Variants in LAMA4 observed in about 807,000 individuals in gnomAD.
LAMA4 encodes the protein laminin subunit alpha-4.
In LAMA4, 127 loss-of-function variants were observed where a neutral mutation model predicts 207.1. The observed-to-expected ratio is 0.61, with a 90% CI of 0.53 to 0.71. The LOEUF (loss-of-function observed/expected upper bound fraction) is 0.71, where lower values mean the gene tolerates loss of function less well. Ranked by LOEUF, LAMA4 falls within the 30% of genes least tolerant of loss-of-function variation. The pLI is 0.00. For synonymous variants in LAMA4, 761 were observed against 816.0 expected (o/e 0.93, Z 1.15); for missense variants, 2,093 against 2,246.5 (o/e 0.93, Z 1.38).
intron 38 of LAMA4, among the ~76,000 whole-genome samples, chr6:112,111,410 G>C (rs182855213): frequency 6.6e-6 from 1 of 152,142 alleles, no homozygotes; most frequent in Non-Finnish European, 1.5e-5. Flanking sequence ...GACTTTTTTG[G>C]TGTGTAGTTC....
intron 2 of LAMA4, chr6:112,234,119 T>A (rs979237382): frequency 6.6e-6 from 1 of 152,222 alleles, no homozygotes; most frequent in Non-Finnish European, 1.5e-5. Flanking sequence ...AGTTATAACT[T>A]ATACATAGGA....
At chr6:112,143,495 G>A (rs1004009012) in intron 19 of LAMA4, among the ~76,000 whole-genome samples, 1 of 152,120 alleles carries the variant, frequency 6.6e-6, no homozygotes, top group Non-Finnish European at 1.5e-5. Context: ...TGTTGGCCAG[G>A]CTGGTCTCAA....
At chr6:112,227,302 C>T (rs1289008273) in intron 2 of LAMA4, among the ~76,000 whole-genome samples, 1 of 152,016 alleles carries the variant, frequency 6.6e-6, no homozygotes, top group Non-Finnish European at 1.5e-5. Context: ...AACTCCTGAC[C>T]TCGTGATCCA....
At position 112,142,162 on chromosome 6, in the gene LAMA4, G is replaced by A; in HGVS notation, c.2624C>T (p.Thr875Ile). ...MKPPVKRPEL[T>I]ETADQFILYL... ...CAGGATAAACTGATCTGCAGTCTCG[G>A]TCAGTTCCGGCCGCTTCACAGGGGG... Residue 875 changes from threonine to isoleucine, a missense_variant, in exon 20 of 39, where the codon ACC (threonine) becomes ATC (isoleucine). By Grantham distance (89) the Thr-to-Ile change is moderately conservative. Transcript: ENST00000230538. 6.2e-7 allele frequency: 1 copy of A among 1,614,088 alleles called. No homozygotes were observed. The highest frequency in any genetic ancestry group is 8.5e-7 in the Non-Finnish European group (1 of 1,180,004).
At chr6:112,190,922 T>C (rs1248276610) in intron 6 of LAMA4, among the ~76,000 whole-genome samples, 4 of 98,104 alleles carry the variant, frequency 4.1e-5, no homozygotes, top group East Asian at 3.3e-4. Context: ...TTTCTTTCTT[T>C]CTTTCTTTCT....
Position 112,131,027 on chromosome 6 carries a change from T to C in LAMA4, c.3909A>G (p.Val1303=). The C allele has an allele frequency of 6.2e-7, 1 of 1,613,042 alleles. No homozygotes were observed. Among genetic ancestry groups the C allele is most frequent in the South Asian group, 1.1e-5 (1 of 91,048 alleles). The change falls in exon 29 of 39, where the codon GTA becomes GTG. Residue 1303 remains valine (V), a synonymous_variant. Coordinates refer to ENST00000230538, the MANE Select transcript of LAMA4 (RefSeq NM_001105206.3). ...MDVKGIKVQS[V]DKQYNDGLSH... is the part of the protein sequence containing the mutation. ...ACAGCCCATCATTGTACTGCTTATCTACTGACTGAACTTTGATTCCCTTTA... is the reference window on the plus strand; with the variant it reads ...ACAGCCCATCATTGTACTGCTTATCCACTGACTGAACTTTGATTCCCTTTA...
rs371859889 is a variant in LAMA4 at position 112,206,946 on chromosome 6, G to GCAAAA, written c.422+70_422+74dup. ...AGAAACCTCAGAACTCTGGGATAAGGCAAAACAAAACAAAACAAAACAAAA... is the reference window on the plus strand; with the variant it reads ...AGAAACCTCAGAACTCTGGGATAAGGCAAAACAAAACAAAACAAAACAAAACAAAA... On this transcript the variant is annotated intron_variant, in intron 4 of 38. Coordinates refer to ENST00000230538, the MANE Select transcript of LAMA4 (RefSeq NM_001105206.3). 7,697 of 1,545,118 alleles carry GCAAAA rather than the reference G, an allele frequency of 5.0e-3. 24 individuals are homozygous for GCAAAA. The highest frequency in any genetic ancestry group is 6.0e-3 in the Non-Finnish European group (6,825 of 1,136,406).
chr6:112,193,391 A>G (rs1258751359), intron 5 of LAMA4, among the ~76,000 whole-genome samples: 2 of 152,128 alleles, frequency 1.3e-5, no homozygotes, highest in Non-Finnish European at 2.9e-5. Flanking sequence ...CTGGCCAGTA[A>G]TAATAAAACA....
intron 2 of LAMA4, among the ~76,000 whole-genome samples, chr6:112,243,148 G>A (rs1373586166): frequency 1.3e-5 from 2 of 152,276 alleles, no homozygotes; most frequent in East Asian, 1.9e-4. Flanking sequence ...ACCACATGGA[G>A]ACACACTTAG....
At chr6:112,140,074 C>T (rs1779599916) in intron 22 of LAMA4, among the ~76,000 whole-genome samples, 189 bp from the exon 23 acceptor site, 1 of 152,114 alleles carries the variant, frequency 6.6e-6, no homozygotes, top group South Asian at 2.1e-4. Context: ...CAAATCTTAG[C>T]AGAGAAAGTG....
intron 19 of LAMA4, 50 bp downstream of exon 19, chr6:112,144,744 T>C: frequency 6.2e-7 from 1 of 1,603,530 alleles, no homozygotes; most frequent in Non-Finnish European, 8.5e-7. Flanking sequence ...GGAGCTCAGC[T>C]TCGTGTTATT....
chr6:112,137,555 C>A (rs1353396569), intron 24 of LAMA4, among the ~76,000 whole-genome samples: 1 of 152,250 alleles, frequency 6.6e-6, no homozygotes, highest in Non-Finnish European at 1.5e-5. Flanking sequence ...GGGTTCCACA[C>A]TTGAAGAGTT....
chr6:112,154,569 A>G (rs1027465456), intron 16 of LAMA4, among the ~76,000 whole-genome samples: 21 of 152,106 alleles, frequency 1.4e-4, no homozygotes, highest in African/African-American at 4.8e-4. Context: ...ATTTATGGTA[A>G]GTTTCTATTA....
rs1183747507 is a variant in LAMA4, at chr6:112,201,512, G to C, written c.503+96C>G. Reference sequence around the variant, plus strand: ...CAACCACTCTTAAGCATCTCCTTCAGGACCCACTGAATGGGAGTATGGCAG... The same window carrying C: ...CAACCACTCTTAAGCATCTCCTTCACGACCCACTGAATGGGAGTATGGCAG... On this transcript the variant is annotated intron_variant, in intron 5 of 38. Transcript: ENST00000230538. 4 of 1,017,250 alleles carry C rather than the reference G, an allele frequency of 3.9e-6. No homozygotes were observed. The East Asian group carries it at 7.1e-5, about 18-fold the overall frequency. 63.0% of individuals were successfully genotyped at this position (1,017,250 alleles called of 1,614,324 possible).
In LAMA4 at chr6:112,150,510, CCT is replaced by C; in HGVS notation, c.2172_2173del (p.Asp726CysfsTer9). 6.3e-7 allele frequency: 1 copy of C among 1,583,510 alleles called. No individual in the cohort carries two copies. The highest frequency in any genetic ancestry group is 8.7e-7 in the Non-Finnish European group (1 of 1,151,968). On this transcript the variant is annotated frameshift_variant and splice_region_variant, in exon 17 of 39. Coordinates refer to ENST00000230538, the MANE Select transcript of LAMA4 (RefSeq NM_001105206.3). LOFTEE classifies it high-confidence loss of function. ...AGACTTCAATTCTCTCTGATGCTTA[CCT>C]CTCTCTGCTGCTTGTAGTTGCTTAA...
chr6:112,249,441 CAAA>C (rs71762704), intron 2 of LAMA4, among the ~76,000 whole-genome samples: 7 of 52,756 alleles, frequency 1.3e-4, no homozygotes, highest in African/African-American at 3.4e-4. Context: ...GACTCTGTTT[CAAA>C]AAAAAAAAAA....
chr6:112,236,330 A>G (rs909752127), intron 2 of LAMA4: 23 of 152,238 alleles, frequency 1.5e-4, no homozygotes, highest in African/African-American at 4.8e-4. Flanking sequence ...TTATCATTTA[A>G]CATTTCCATG....
intron 16 of LAMA4, among the ~76,000 whole-genome samples, chr6:112,152,798 G>A (rs1160138693): frequency 6.6e-6 from 1 of 151,948 alleles, no homozygotes; most frequent in African/African-American, 2.4e-5. Flanking sequence ...TCTGGGTAGT[G>A]TGAAGAATTT....
At chr6:112,189,814 G>C (rs6901052) in intron 6 of LAMA4, among the ~76,000 whole-genome samples, 1 of 151,972 alleles carries the variant, frequency 6.6e-6, no homozygotes, top group African/African-American at 2.4e-5. Flanking sequence ...TTTAGAAGAC[G>C]TGGGAGCCCA....
Sources: gnomAD v4.1 joint callset for allele counts (sites outside exome capture counted in the v4.1 genomes callset) on GRCh38, gnomAD v4.1.1 for gene constraint, MANE v1.5 for transcripts, NCBI Gene and HGNC (gene_info 2026-07-23, HGNC 2026-07-21) for gene names.